Variants in SLC1A2 observed in about 807,000 individuals in gnomAD.
The protein encoded by SLC1A2 is excitatory amino acid transporter 2.
In SLC1A2, 15 loss-of-function variants were observed where a neutral mutation model predicts 48.8. The observed-to-expected ratio is 0.31, with a 90% CI of 0.21 to 0.47. SLC1A2 has a LOEUF of 0.47. Among genes scored for constraint, SLC1A2 ranks in the 20% least tolerant of loss-of-function variants. The pLI, the probability that SLC1A2 is intolerant of heterozygous loss-of-function variation, is 0.99. For synonymous variants in SLC1A2, 279 were observed against 272.6 expected (o/e 1.02, Z -0.23); for missense variants, 502 against 730.5 (o/e 0.69, Z 3.61).
At chr11:35,358,385 G>T (rs1270383040) in intron 1 of SLC1A2, among the ~76,000 whole-genome samples, 3 of 152,090 alleles carry the variant, frequency 2.0e-5, no homozygotes, top group Non-Finnish European at 4.4e-5. Flanking sequence ...GTTTTTAAAA[G>T]CTGAAACTAT....
chr11:35,355,483 G>A (rs570135578), intron 1 of SLC1A2, among the ~76,000 whole-genome samples: 1 of 152,178 alleles, frequency 6.6e-6, no homozygotes, highest in South Asian at 2.1e-4. Context: ...AGCATCCATG[G>A]GTTGTGCCTG....
chr11:35,308,468 G>T (rs3847611), intron 4 of SLC1A2, among the ~76,000 whole-genome samples: 6,032 of 152,244 alleles, frequency 0.04, 398 homozygotes, highest in African/African-American at 0.14. Context: ...CCTAAGACTG[G>T]ATAATTTATG....
intron 4 of SLC1A2, among the ~76,000 whole-genome samples, chr11:35,310,239 C>G (rs1244411494): frequency 6.6e-6 from 1 of 152,314 alleles, no homozygotes; most frequent in South Asian, 2.1e-4. Flanking sequence ...CCACTCTCCC[C>G]CAATCTACTA....
intron 1 of SLC1A2, among the ~76,000 whole-genome samples, chr11:35,350,637 A>G (rs922923533): frequency 6.6e-6 from 1 of 152,240 alleles, no homozygotes; most frequent in Admixed American, 6.5e-5. Flanking sequence ...GTAAAGACAC[A>G]GCAAGATAAG....
At chr11:35,340,816 G>A (rs1852810854) in intron 1 of SLC1A2, among the ~76,000 whole-genome samples, 1 of 152,164 alleles carries the variant, frequency 6.6e-6, no homozygotes, top group Non-Finnish European at 1.5e-5. Context: ...ACACTGAAGT[G>A]AGACCCAGCT....
At chr11:35,327,685 C>A (rs1852293375) in intron 1 of SLC1A2, among the ~76,000 whole-genome samples, 1 of 152,188 alleles carries the variant, frequency 6.6e-6, no homozygotes, top group South Asian at 2.1e-4. Context: ...CTAATAATAA[C>A]ATTTGTGTCA....
chr11:35,275,160 G>T (rs931899272), intron 9 of SLC1A2, among the ~76,000 whole-genome samples: 1 of 152,192 alleles, frequency 6.6e-6, no homozygotes, highest in East Asian at 1.9e-4. Flanking sequence ...GAGGAATGCT[G>T]TTGGGAGGAG....
At chr11:35,351,745 C>T (rs554513297) in intron 1 of SLC1A2, among the ~76,000 whole-genome samples, 1 of 152,306 alleles carries the variant, frequency 6.6e-6, no homozygotes, top group Non-Finnish European at 1.5e-5. Context: ...AAGCGATTCT[C>T]CTGCCTCAAT....
In SLC1A2 at chr11:35,321,133, C is replaced by T. The variant is rs544088520; in HGVS notation, c.18-3617G>A. On this transcript the variant is annotated intron_variant, in intron 1 of 10. Transcript: ENST00000278379. ...CGCCAAGCAAAAGGGGGAAAAGCCC[C>T]TTATAAAACCACCAGATATTGTGAT... Among the ~76,000 whole-genome samples the T allele has an allele frequency of 3.3e-5, 5 of 152,242 alleles. No homozygotes were observed. The South Asian group carries it at 1.0e-3, about 32-fold the overall frequency.
chr11:35,278,278 T>G (rs900651880), intron 9 of SLC1A2, among the ~76,000 whole-genome samples: 19 of 145,992 alleles, frequency 1.3e-4, no homozygotes, highest in African/African-American at 2.4e-4. Context: ...TTTTTGTTTT[T>G]TTTTTTTTTT....
At chr11:35,313,396 C>A (rs976705041) in intron 3 of SLC1A2, among the ~76,000 whole-genome samples, 1 of 152,176 alleles carries the variant, frequency 6.6e-6, no homozygotes, top group African/African-American at 2.4e-5. Context: ...TTCATCTATA[C>A]CTAGGGAGGT....
chr11:35,392,031 A>C (rs1292631360), intron 1 of SLC1A2, among the ~76,000 whole-genome samples: 3 of 152,256 alleles, frequency 2.0e-5, no homozygotes, highest in Non-Finnish European at 4.4e-5. Flanking sequence ...GAAAAAGCTA[A>C]TAACAAAATA....
chr11:35,330,629 A>G (rs925862866), intron 1 of SLC1A2, among the ~76,000 whole-genome samples: 3 of 152,222 alleles, frequency 2.0e-5, no homozygotes, highest in Non-Finnish European at 4.4e-5. Flanking sequence ...TGAATTCTCC[A>G]GGTGGGACCA....
intron 1 of SLC1A2, among the ~76,000 whole-genome samples, chr11:35,416,118 G>A (rs1855597751): frequency 6.6e-6 from 1 of 152,170 alleles, no homozygotes; most frequent in African/African-American, 2.4e-5. Context: ...ATAGAAACTG[G>A]ATGCTAATAA....
chr11:35,336,038 C>A (rs552376797), intron 1 of SLC1A2, among the ~76,000 whole-genome samples: 2 of 152,168 alleles, frequency 1.3e-5, no homozygotes, highest in South Asian at 4.2e-4. Flanking sequence ...GAGCTGGAAG[C>A]CATTATCCTC....
intron 1 of SLC1A2, among the ~76,000 whole-genome samples, chr11:35,400,591 C>CT (rs1277892794): frequency 6.6e-6 from 1 of 152,286 alleles, no homozygotes; most frequent in East Asian, 1.9e-4. Context: ...TGGATAAACT[C>CT]TCCATCCTTA....
At chr11:35,282,095 T>C (rs896133929) in intron 8 of SLC1A2, among the ~76,000 whole-genome samples, 1 of 152,104 alleles carries the variant, frequency 6.6e-6, no homozygotes, top group African/African-American at 2.4e-5. Context: ...CTGGAGAGCC[T>C]GTGGTTTGAG....
At chr11:35,395,278 C>G (rs913391239) in intron 1 of SLC1A2, among the ~76,000 whole-genome samples, 5 of 149,604 alleles carry the variant, frequency 3.3e-5, no homozygotes, top group African/African-American at 9.8e-5. Flanking sequence ...TTTTTTTTCT[C>G]TTAACTTCTG....
intron 1 of SLC1A2, among the ~76,000 whole-genome samples, chr11:35,343,682 C>T (rs765029870): frequency 1.3e-5 from 2 of 152,126 alleles, no homozygotes; most frequent in Non-Finnish European, 2.9e-5. Flanking sequence ...TACCCTAGCA[C>T]ATCAGTAGCA....
Sources: gnomAD v4.1 joint callset for allele counts (sites outside exome capture counted in the v4.1 genomes callset) on GRCh38, gnomAD v4.1.1 for gene constraint, MANE v1.5 for transcripts, NCBI Gene and HGNC (gene_info 2026-07-23, HGNC 2026-07-21) for gene names.